The following EGLN1 variants were observed in gnomAD, a reference collection of about 807,000 sequenced individuals.
EGLN1 encodes the protein egl-9 family hypoxia inducible factor 1.
In EGLN1, 17 loss-of-function variants were observed where a neutral mutation model predicts 38.3. That is an observed-to-expected ratio of 0.44 (90% CI 0.30 to 0.67). The LOEUF (loss-of-function observed/expected upper bound fraction) is 0.67. Ranked by LOEUF, EGLN1 falls within the 30% of genes least tolerant of loss-of-function variation. The pLI is 0.08. For missense variants in EGLN1, 477 were observed against 603.3 expected, an observed-to-expected ratio of 0.79 and a Z score of 2.19; for synonymous variants, 283 against 257.5, an observed-to-expected ratio of 1.10 and a Z score of -0.95.
chr1:231,385,296 A>G (rs1248713836), intron 1 of EGLN1, among the ~76,000 whole-genome samples: 1 of 152,236 alleles, frequency 6.6e-6, no homozygotes, highest in Non-Finnish European at 1.5e-5. Flanking sequence ...TGTGTAAGGC[A>G]TAGTGCTAGG....
At chr1:231,380,232 C>T (rs1688049477) in intron 1 of EGLN1, among the ~76,000 whole-genome samples, 1 of 147,798 alleles carries the variant, frequency 6.8e-6, no homozygotes. Flanking sequence ...CCTTGAATGG[C>T]GTGAACCCGG....
intron 1 of EGLN1, among the ~76,000 whole-genome samples, chr1:231,406,238 C>G (rs11807268): frequency 6.6e-6 from 1 of 151,068 alleles, no homozygotes; most frequent in Non-Finnish European, 1.5e-5. Context: ...GCAAAACAAA[C>G]GAGAACAGAG....
intron 1 of EGLN1, among the ~76,000 whole-genome samples, chr1:231,380,001 A>ATGACCTTC (rs1282084839): frequency 1.3e-5 from 2 of 152,164 alleles, no homozygotes; most frequent in African/African-American, 4.8e-5. Context: ...ACGGAAGAAA[A>ATGACCTTC]CAGGTCATGC....
chr1:231,387,611 G>A (rs111240497), intron 1 of EGLN1, among the ~76,000 whole-genome samples: 14 of 152,014 alleles, frequency 9.2e-5, no homozygotes, highest in South Asian at 4.1e-4. Flanking sequence ...TGCCCGCCTC[G>A]GCCTCCCAAA....
intron 1 of EGLN1, among the ~76,000 whole-genome samples, chr1:231,376,813 C>T (rs550896844): frequency 3.9e-5 from 6 of 152,146 alleles, no homozygotes; most frequent in African/African-American, 1.2e-4. Flanking sequence ...ATGAAGGGAG[C>T]GGCAAGTTGG....
rs150470416 is a variant in EGLN1 at position 231,398,611 on chromosome 1, A to G, written c.891+22387T>C. On this transcript the variant is annotated intron_variant, in intron 1 of 4. Coordinates refer to ENST00000366641, the MANE Select transcript of EGLN1 (RefSeq NM_022051.3). ...GCTCACAAAGCCCAAACTATCTACTATTTGACTCTTTGGGGTAAAGAATCT... is the reference window on the plus strand; with the variant it reads ...GCTCACAAAGCCCAAACTATCTACTGTTTGACTCTTTGGGGTAAAGAATCT... Among the ~76,000 whole-genome samples, 8 of 152,336 alleles carry G rather than the reference A, an allele frequency of 5.3e-5. No homozygotes were observed. In the East Asian group the frequency reaches 1.5e-3, roughly 29 times the overall value.
chr1:231,404,397 G>A (rs529292259), intron 1 of EGLN1, among the ~76,000 whole-genome samples: 1 of 152,180 alleles, frequency 6.6e-6, no homozygotes, highest in East Asian at 1.9e-4. Flanking sequence ...TACCTATTAA[G>A]TTATAGACTA....
chr1:231,405,613 A>T (rs1194666938), intron 1 of EGLN1, among the ~76,000 whole-genome samples: 3 of 152,176 alleles, frequency 2.0e-5, no homozygotes, highest in African/African-American at 7.2e-5. Flanking sequence ...TCAGTAGTAG[A>T]GAGCCAGATG....
chr1:231,373,229 C>T (rs867155862), intron 2 of EGLN1, among the ~76,000 whole-genome samples: 3 of 152,006 alleles, frequency 2.0e-5, no homozygotes, highest in Admixed American at 6.6e-5. Flanking sequence ...CAGGGAAAGA[C>T]TGAATCCTGC....
intron 1 of EGLN1, among the ~76,000 whole-genome samples, chr1:231,392,195 G>A (rs1199986874): frequency 6.6e-6 from 1 of 152,252 alleles, no homozygotes; most frequent in Admixed American, 6.5e-5. Context: ...GCTGAGGCAG[G>A]AGAATGGCGT....
chr1:231,422,141 G>C lies in EGLN1; in HGVS notation c.-253C>G, dbSNP rs1656656345. On this transcript the variant is annotated 5_prime_UTR_variant, in exon 1 of 5. Coordinates refer to ENST00000366641, the MANE Select transcript of EGLN1 (RefSeq NM_022051.3). ...GCCGAGGGCTGAGAGAATAGGGCCT[G>C]TGCGGCGAATGGCAACCTGGGCTCA... is the stretch of plus-strand genomic sequence containing the variant. The C allele has an allele frequency of 3.1e-6, 1 of 319,910 alleles. No homozygotes were observed. Among genetic ancestry groups the C allele is most frequent in the Admixed American group, 5.2e-5 (1 of 19,178 alleles). The allele number at this position is 319,910 out of a possible 1,614,324, so 19.8% of individuals were successfully genotyped here.
chr1:231,374,130 T>C (rs575848078), intron 1 of EGLN1, 31 bp from the exon 2 acceptor site: 2 of 1,604,584 alleles, frequency 1.2e-6, no homozygotes, highest in East Asian at 2.2e-5. Flanking sequence ...ATTATTAAAG[T>C]CCATGTATAA....
intron 1 of EGLN1, among the ~76,000 whole-genome samples, chr1:231,409,545 G>T (rs1409650661): frequency 6.6e-6 from 1 of 152,114 alleles, no homozygotes; most frequent in Non-Finnish European, 1.5e-5. Flanking sequence ...TCCCCCATCA[G>T]ACAGGCTTAC....
rs781169419 is a variant in EGLN1 at position 231,367,552 on chromosome 1, C to T, written c.1216+17G>A. 1 of 1,613,462 alleles carries T rather than the reference C, an allele frequency of 6.2e-7. No individual in the cohort carries two copies. The highest frequency in any genetic ancestry group is 1.1e-5 in the South Asian group (1 of 91,072). On this transcript the variant is annotated intron_variant, in intron 4 of 4. Transcript: ENST00000366641. ...GTATTTCTGTACCAATATATCCTGG[C>T]CCCAAATGACGTTTACCTGTTAGAT...
In EGLN1 at chr1:231,416,891, T is replaced by C. The variant is rs369702915; in HGVS notation, c.891+4107A>G. ...CAGAGTAACTCACTTTTAACTTAAA[T>C]TCTGACATAGTTATAAAATCATTAA... On this transcript the variant is annotated intron_variant, in intron 1 of 4. Transcript: ENST00000366641. Among the ~76,000 whole-genome samples the C allele has an allele frequency of 2.0e-5, 3 of 152,354 alleles. No individual in the cohort carries two copies. In the South Asian group the frequency reaches 6.2e-4, roughly 32 times the overall value.
intron 1 of EGLN1, among the ~76,000 whole-genome samples, chr1:231,393,364 C>T (rs866739370): frequency 3.3e-5 from 5 of 152,084 alleles, no homozygotes; most frequent in Non-Finnish European, 7.4e-5. Context: ...GAGCCAGAAG[C>T]TGGTGACCTA....
chr1:231,420,872 C>T (rs1656563474), intron 1 of EGLN1, 126 bp downstream of exon 1: 1 of 1,584,472 alleles, frequency 6.3e-7, no homozygotes, highest in Non-Finnish European at 8.6e-7. Flanking sequence ...CGGGGAGCTA[C>T]ACAAGAAAGA....
intron 1 of EGLN1, among the ~76,000 whole-genome samples, chr1:231,405,968 GCACCCCC>G (rs1208767592): frequency 2.8e-4 from 38 of 135,308 alleles, no homozygotes; most frequent in South Asian, 7.8e-4. Flanking sequence ...TAGTTAGTAA[GCACCCCC>G]CACCCCCCAC....
intron 1 of EGLN1, among the ~76,000 whole-genome samples, chr1:231,410,152 TA>T (rs1461455916): frequency 6.6e-6 from 1 of 152,236 alleles, no homozygotes; most frequent in Non-Finnish European, 1.5e-5. Context: ...GAAAGTCACC[TA>T]ATGACTTGCT....
Sources: allele counts gnomAD v4.1 joint callset (sites outside exome capture counted in the v4.1 genomes callset), GRCh38; gene constraint gnomAD v4.1.1; transcripts MANE v1.5; gene names NCBI Gene and HGNC (gene_info 2026-07-23, HGNC 2026-07-21).